Variants in VRK3 observed in about 807,000 individuals in gnomAD.
VRK3 encodes the protein VRK serine/threonine kinase 3.
In VRK3, 50 loss-of-function variants were observed where a neutral mutation model predicts 60.4. That is an observed-to-expected ratio of 0.83 (90% CI 0.66 to 1.05). The LOEUF (loss-of-function observed/expected upper bound fraction) is 1.05. VRK3 is among the 50% of genes least tolerant of loss of function. The pLI is 0.00. For synonymous variants in VRK3, 246 were observed against 227.8 expected, an observed-to-expected ratio of 1.08 and a Z score of -0.72; for missense variants, 549 against 585.3, an observed-to-expected ratio of 0.94 and a Z score of 0.64.
At chr19:50,016,548 A>G (rs2077082261) in intron 2 of VRK3, among the ~76,000 whole-genome samples, 1 of 152,160 alleles carries the variant, frequency 6.6e-6, no homozygotes, top group African/African-American at 2.4e-5. Context: ...AAGATGAAGG[A>G]GGGCTGCCTG....
chr19:49,987,013 T>G (rs2076527590), intron 12 of VRK3: 1 of 152,230 alleles, frequency 6.6e-6, no homozygotes, highest in Non-Finnish European at 1.5e-5. Flanking sequence ...TCAGCAGGGA[T>G]TACAGGTGCC....
chr19:50,015,781 G>T (rs1257665964), intron 3 of VRK3: 1 of 536,628 alleles, frequency 1.9e-6, no homozygotes, highest in South Asian at 2.7e-5. Context: ...CCAAGCAGGG[G>T]AGTCCAGGCT....
chr19:50,024,376 C>G (rs1439140005), intron 1 of VRK3, among the ~76,000 whole-genome samples: 1 of 152,146 alleles, frequency 6.6e-6, no homozygotes, highest in Non-Finnish European at 1.5e-5. Context: ...GTGGGTATTG[C>G]CAGCAAACAA....
At chr19:50,019,691 T>A (rs2077137676) in intron 2 of VRK3, among the ~76,000 whole-genome samples, 1 of 100,472 alleles carries the variant, frequency 1.0e-5, no homozygotes, top group African/African-American at 5.4e-5. Flanking sequence ...TTTTTTTTTT[T>A]TTTTTTTTTT....
intron 10 of VRK3, among the ~76,000 whole-genome samples, chr19:49,991,921 C>T (rs1397383065): frequency 1.3e-5 from 2 of 152,218 alleles, no homozygotes. Flanking sequence ...AGTTGGGTTT[C>T]TGTCATTTGT....
At position 49,995,214 on chromosome 19, in the gene VRK3, G is replaced by C. The variant is rs748321297; in HGVS notation, c.741C>G (p.Phe247Leu). The change falls in exon 8 of 15, where the codon TTC (phenylalanine) becomes TTG (leucine). Residue 247 changes from phenylalanine to leucine, a missense_variant. Transcript: ENST00000316763. The part of the protein sequence containing the change: ...PLLAIPTCMG[F>L]GVHQDKYRFL... ...ACCTGTATTTGTCCTGGTGAACACC[G>C]AAACCCATGCAGGTAGGGATGGCCA... The C allele has an allele frequency of 6.2e-7, 1 of 1,614,074 alleles. No homozygotes were observed. The highest frequency in any genetic ancestry group is 1.3e-5 in the African/African-American group (1 of 74,926).
intron 9 of VRK3, among the ~76,000 whole-genome samples, chr19:49,994,413 C>A (rs1160586574): frequency 2.6e-5 from 4 of 152,186 alleles, no homozygotes; most frequent in Admixed American, 6.5e-5. Context: ...TGAACAAATG[C>A]CATATGCTCT....
chr19:49,989,698 C>T lies in VRK3; in HGVS notation c.1037G>A (p.Ser346Asn), dbSNP rs2076577378. ...AAGGTCCCCCTCGTGAGGGCTCCTG[C>T]TGCCTTCCACGTAGGCCACGTGTTT... is the stretch of plus-strand genomic sequence containing the variant. ...SGKHVAYVEG[S>N]RSPHEGDLEF... The change falls in exon 11 of 15, where the codon AGC becomes AAC. Residue 346 changes from serine to asparagine, a missense_variant. Transcript: ENST00000316763. The T allele has an allele frequency of 6.2e-7, 1 of 1,613,964 alleles. No homozygotes were observed.
intron 12 of VRK3, among the ~76,000 whole-genome samples, chr19:49,987,137 G>C (rs974262611): frequency 3.9e-5 from 6 of 152,214 alleles, no homozygotes; most frequent in African/African-American, 1.2e-4. Context: ...GCCTCCCAAA[G>C]TGCTGGGATT....
Position 50,021,885 on chromosome 19 carries a change from C to G in VRK3, c.-64-1238G>C, listed in dbSNP as rs148400311. 4.0e-3 allele frequency among the ~76,000 whole-genome samples: 606 copies of G among 152,346 alleles called. 3 individuals carry two copies. Among genetic ancestry groups the G allele is most frequent in the Middle Eastern group, 6.8e-3 (2 of 294 alleles). On this transcript the variant is annotated intron_variant, in intron 1 of 14. Coordinates refer to ENST00000316763, the MANE Select transcript of VRK3 (RefSeq NM_016440.4). ...TTATCTACAGAACCTTCCCAATCACCCTTTTCAAGGTAAGAATGATTTCCC... is the reference window on the plus strand; with the variant it reads ...TTATCTACAGAACCTTCCCAATCACGCTTTTCAAGGTAAGAATGATTTCCC...
chr19:50,023,894 G>A (rs756258614), intron 1 of VRK3, among the ~76,000 whole-genome samples: 23 of 152,196 alleles, frequency 1.5e-4, no homozygotes, highest in Non-Finnish European at 1.3e-4. Flanking sequence ...GGGTTAAGAG[G>A]ATAAACTTGG....
chr19:50,006,826 C>T (rs1472894815), intron 5 of VRK3, among the ~76,000 whole-genome samples: 1 of 152,192 alleles, frequency 6.6e-6, no homozygotes, highest in Non-Finnish European at 1.5e-5. Flanking sequence ...AATACTACTG[C>T]CATAATTATT....
rs563427434 is a variant in VRK3, at chr19:49,983,211, G to C, written c.1218-2198C>G. Among the ~76,000 whole-genome samples the C allele has an allele frequency of 6.2e-5, 9 of 146,332 alleles. No homozygotes were observed. In the South Asian group the frequency reaches 2.0e-3, roughly 32 times the overall value. On this transcript the variant is annotated intron_variant, in intron 12 of 14. Coordinates refer to ENST00000316763, the MANE Select transcript of VRK3 (RefSeq NM_016440.4). ...TCCCCACTCCTTCCTCCCATTGCAT[G>C]TCCCAGCCACACCAAAGGACTCCTA...
intron 3 of VRK3, among the ~76,000 whole-genome samples, chr19:50,013,780 A>G (rs1464606166): frequency 1.3e-5 from 2 of 152,336 alleles, no homozygotes; most frequent in East Asian, 1.9e-4. Context: ...CAGAAACACA[A>G]AAAGTTTCTG....
At chr19:50,020,042 A>AC (rs936648002) in intron 2 of VRK3, among the ~76,000 whole-genome samples, 1 of 147,052 alleles carries the variant, frequency 6.8e-6, no homozygotes, top group Middle Eastern at 3.3e-3. Flanking sequence ...ACACCCAGCT[A>AC]ATTTTTTTTT....
chr19:49,985,222 T>G (rs1205126677), intron 12 of VRK3, among the ~76,000 whole-genome samples: 1 of 152,180 alleles, frequency 6.6e-6, no homozygotes, highest in Non-Finnish European at 1.5e-5. Flanking sequence ...TTCACCTGGC[T>G]TCATTTCAAA....
At chr19:50,019,715 C>CTTTTTTTTTTTTTTTTTTTT (rs1225686835) in intron 2 of VRK3, among the ~76,000 whole-genome samples, 15 of 50,360 alleles carry the variant, frequency 3.0e-4, no homozygotes, top group East Asian at 6.0e-4. Context: ...TTTTTTTTTA[C>CTTTTTTTTTTTTTTTTTTTT]TTTTTGTAGA....
At chr19:50,000,067 G>C (rs2076774075) in intron 6 of VRK3, 1 of 152,350 alleles carries the variant, frequency 6.6e-6, no homozygotes, top group African/African-American at 2.4e-5. Context: ...CTCCACCTAG[G>C]GCGGAGGGAG....
chr19:50,013,543 G>A (rs917976242), intron 3 of VRK3, among the ~76,000 whole-genome samples: 9 of 152,164 alleles, frequency 5.9e-5, no homozygotes, highest in African/African-American at 1.7e-4. Flanking sequence ...TTGACTCCCC[G>A]CCATGTATGC....
Sources: allele counts gnomAD v4.1 joint callset (sites outside exome capture counted in the v4.1 genomes callset), GRCh38; gene constraint gnomAD v4.1.1; transcripts MANE v1.5; gene names NCBI Gene and HGNC (gene_info 2026-07-23, HGNC 2026-07-21).